OR9Q1: variants seen among roughly 807,000 people sequenced by gnomAD.
OR9Q1 encodes olfactory receptor family 9 subfamily Q member 1.
For missense variants in OR9Q1, 374 were observed against 378.8 expected (o/e 0.99, Z 0.11); for synonymous variants, 153 against 148.6 (o/e 1.03, Z -0.22).
intron 2 of OR9Q1, among the ~76,000 whole-genome samples, chr11:58,172,843 AT>A (rs1854567919): frequency 6.6e-6 from 1 of 152,166 alleles, no homozygotes; most frequent in Non-Finnish European, 1.5e-5. Flanking sequence ...TGTTTTAATT[AT>A]TTTAAAATGT....
intron 2 of OR9Q1, among the ~76,000 whole-genome samples, chr11:58,139,405 G>C (rs191178065): frequency 5.3e-5 from 8 of 151,740 alleles, no homozygotes; most frequent in Non-Finnish European, 1.2e-4. Flanking sequence ...TTAACATTAG[G>C]TATATCTCCT....
intron 2 of OR9Q1, among the ~76,000 whole-genome samples, chr11:58,136,093 G>C (rs2119854683): frequency 6.6e-6 from 1 of 152,232 alleles, no homozygotes; most frequent in South Asian, 2.1e-4. Context: ...TAATTTAAAA[G>C]AGCAGACAAT....
chr11:58,162,290 T>C (rs1854464411), intron 2 of OR9Q1, among the ~76,000 whole-genome samples: 1 of 152,220 alleles, frequency 6.6e-6, no homozygotes, highest in Non-Finnish European at 1.5e-5. Flanking sequence ...TTACGTTTTG[T>C]TTGAATGTAT....
At chr11:58,126,042 T>C (rs1380587890) in intron 2 of OR9Q1, among the ~76,000 whole-genome samples, 2 of 152,172 alleles carry the variant, frequency 1.3e-5, no homozygotes, top group Non-Finnish European at 2.9e-5. Context: ...GGAAGAGTGA[T>C]TATTGGCTCA....
At chr11:58,037,736 T>A (rs1853121709) in intron 1 of OR9Q1, among the ~76,000 whole-genome samples, 1 of 94,604 alleles carries the variant, frequency 1.1e-5, no homozygotes, top group Non-Finnish European at 1.9e-5. Context: ...TTTTTTTTTT[T>A]GAGACGGAGT....
intron 2 of OR9Q1, among the ~76,000 whole-genome samples, chr11:58,115,477 G>C (rs550226860): frequency 1.3e-5 from 2 of 152,296 alleles, no homozygotes; most frequent in South Asian, 4.1e-4. Flanking sequence ...ATCAAAGCAT[G>C]ATGTTGTACA....
intron 2 of OR9Q1, among the ~76,000 whole-genome samples, chr11:58,150,402 A>G (rs541188980): frequency 1.3e-4 from 20 of 152,298 alleles, no homozygotes; most frequent in African/African-American, 4.8e-4. Flanking sequence ...CTCCCCAACC[A>G]CTGGGCAATA....
At position 58,031,222 on chromosome 11, in the gene OR9Q1, G is replaced by A. The variant is rs1389422661; in HGVS notation, c.-93+7118G>A. The A allele has an allele frequency of 6.8e-6, 11 of 1,614,128 alleles. 1 individual carries two copies. Among genetic ancestry groups the A allele is most frequent in the Middle Eastern group, 3.3e-4 (2 of 6,062 alleles). On this transcript the variant is annotated intron_variant, in intron 1 of 2. Coordinates refer to ENST00000335397, the MANE Select transcript of OR9Q1 (RefSeq NM_001005212.4). ...AGATGCTGGCTGGTTTTATTGGGGT[G>A]GATGGTGGCAAGAATATCTCTTATG...
chr11:58,093,779 A>AT (rs1487485705), intron 2 of OR9Q1, among the ~76,000 whole-genome samples: 1 of 151,242 alleles, frequency 6.6e-6, no homozygotes, highest in East Asian at 1.9e-4. Context: ...AAAAAAAAAA[A>AT]AAAAGACAAA....
At chr11:58,039,495 G>A (rs1468846808) in intron 1 of OR9Q1, among the ~76,000 whole-genome samples, 1 of 152,190 alleles carries the variant, frequency 6.6e-6, no homozygotes, top group African/African-American at 2.4e-5. Flanking sequence ...TCTCCCCAGG[G>A]AGCAACCCAG....
At position 58,179,521 on chromosome 11, in the gene OR9Q1, C is replaced by A; in HGVS notation, c.77C>A (p.Pro26His). 6.2e-7 allele frequency: 1 copy of A among 1,611,282 alleles called. No homozygotes were observed. Among genetic ancestry groups the A allele is most frequent in the Non-Finnish European group, 8.5e-7 (1 of 1,178,528 alleles). ...AFTEYPEWAL[P>H]LFLLFLFMYL... ...ACTGAATATCCTGAATGGGCACTCC[C>A]TCTCTTCCTCTTGTTTTTATTTATG... Residue 26 changes from proline to histidine, a missense_variant, in exon 3 of 3, where the codon CCT becomes CAT. By Grantham distance (77) the Pro-to-His change is moderately conservative (BLOSUM62 -2). Coordinates refer to ENST00000335397, the MANE Select transcript of OR9Q1 (RefSeq NM_001005212.4).
chr11:58,132,967 C>T (rs1854155911), intron 2 of OR9Q1, among the ~76,000 whole-genome samples: 1 of 152,124 alleles, frequency 6.6e-6, no homozygotes. Context: ...AATCCAGCTC[C>T]CCTGGATGCC....
chr11:58,087,162 C>G (rs1275025100), intron 2 of OR9Q1, among the ~76,000 whole-genome samples: 4 of 151,282 alleles, frequency 2.6e-5, no homozygotes, highest in Non-Finnish European at 5.9e-5. Context: ...GACTATCAGA[C>G]AAGAAAAATA....
At chr11:58,138,990 T>G (rs1185668650) in intron 2 of OR9Q1, among the ~76,000 whole-genome samples, 1 of 151,146 alleles carries the variant, frequency 6.6e-6, no homozygotes, top group Non-Finnish European at 1.5e-5. Flanking sequence ...GAATTTACAA[T>G]AGAGTAAGCT....
intron 2 of OR9Q1, among the ~76,000 whole-genome samples, chr11:58,100,912 G>A (rs1853777448): frequency 6.6e-6 from 1 of 152,028 alleles, no homozygotes; most frequent in Non-Finnish European, 1.5e-5. Flanking sequence ...AATAAGCCAG[G>A]CACAGAAAGA....
chr11:58,171,035 T>C (rs908664231), intron 2 of OR9Q1: 1 of 152,160 alleles, frequency 6.6e-6, no homozygotes, highest in African/African-American at 2.4e-5. Flanking sequence ...ACATGGAATA[T>C]TGAGGGGTGG....
At chr11:58,173,983 T>A (rs1391071484) in intron 2 of OR9Q1, among the ~76,000 whole-genome samples, 1 of 152,022 alleles carries the variant, frequency 6.6e-6, no homozygotes, top group African/African-American at 2.4e-5. Flanking sequence ...CAGGTCGGGG[T>A]TTGGGCAGCT....
At chr11:58,060,548 A>T (rs1258377758) in intron 2 of OR9Q1, among the ~76,000 whole-genome samples, 1 of 152,184 alleles carries the variant, frequency 6.6e-6, no homozygotes, top group Non-Finnish European at 1.5e-5. Context: ...TCTGGTGGGC[A>T]GACCTAGTGG....
chr11:58,143,054 T>C (rs1854265867), intron 2 of OR9Q1, among the ~76,000 whole-genome samples: 1 of 152,188 alleles, frequency 6.6e-6, no homozygotes, highest in African/African-American at 2.4e-5. Flanking sequence ...TGTGCATATA[T>C]GCACATCAGA....
Sources: gnomAD v4.1 joint callset for allele counts (sites outside exome capture counted in the v4.1 genomes callset) on GRCh38, gnomAD v4.1.1 for gene constraint, MANE v1.5 for transcripts, NCBI Gene and HGNC (gene_info 2026-07-23, HGNC 2026-07-21) for gene names.